ANAPC10: variants seen among roughly 807,000 people sequenced by gnomAD.
ANAPC10 encodes the protein anaphase-promoting complex subunit 10.
A neutral mutation model predicts 22.0 loss-of-function variants in ANAPC10; 12 were observed. The ratio of observed to expected loss-of-function variants is 0.55; its 90% CI spans 0.35 to 0.88. The LOEUF (loss-of-function observed/expected upper bound fraction) is 0.88. Among genes scored for constraint, ANAPC10 ranks in the 40% least tolerant of loss-of-function variants. The pLI is 0.01. For missense variants in ANAPC10, 188 were observed against 220.9 expected, an observed-to-expected ratio of 0.85 and a Z score of 0.94; for synonymous variants, 65 against 69.5, an observed-to-expected ratio of 0.94 and a Z score of 0.32.
chr4:145,093,861 T>C (rs897395201), intron 2 of ANAPC10, among the ~76,000 whole-genome samples: 1 of 152,158 alleles, frequency 6.6e-6, no homozygotes, highest in African/African-American at 2.4e-5. Flanking sequence ...GTCTAGCATA[T>C]GTATAATTGG....
chr4:145,044,787 G>A (rs1217673438), intron 4 of ANAPC10, among the ~76,000 whole-genome samples: 1 of 151,818 alleles, frequency 6.6e-6, no homozygotes, highest in East Asian at 1.9e-4. Context: ...GTTTATCTTA[G>A]TGACACACTA....
chr4:145,007,784 A>C (rs1733632296), intron 4 of ANAPC10, among the ~76,000 whole-genome samples: 1 of 152,138 alleles, frequency 6.6e-6, no homozygotes, highest in African/African-American at 2.4e-5. Context: ...AGCAAGAGCA[A>C]ACAAATTCAG....
chr4:145,054,634 TGTGTGTGCGCGCGCGC>T (rs1741709075), intron 4 of ANAPC10, among the ~76,000 whole-genome samples: 1 of 101,418 alleles, frequency 9.9e-6, no homozygotes, highest in Admixed American at 1.0e-4. Flanking sequence ...TGTGTGTGTG[TGTGTGTGCGCGCGCGC>T]GCGCGTGCGT....
At chr4:145,031,101 T>C (rs756895343) in intron 4 of ANAPC10, among the ~76,000 whole-genome samples, 6 of 152,204 alleles carry the variant, frequency 3.9e-5, no homozygotes, top group African/African-American at 9.7e-5. Flanking sequence ...CAGAAGCAAT[T>C]TGCCTTCAGC....
At chr4:145,073,504 T>C (rs1290838276) in intron 3 of ANAPC10, among the ~76,000 whole-genome samples, 1 of 152,170 alleles carries the variant, frequency 6.6e-6, no homozygotes, top group Non-Finnish European at 1.5e-5. Context: ...TTGTATGATT[T>C]GGCTTAAGCA....
At chr4:145,041,596 C>G (rs1014211687) in intron 4 of ANAPC10, among the ~76,000 whole-genome samples, 5 of 152,164 alleles carry the variant, frequency 3.3e-5, no homozygotes, top group African/African-American at 1.2e-4. Context: ...CTTTCACTTC[C>G]CCTTCTAGAA....
intron 4 of ANAPC10, among the ~76,000 whole-genome samples, chr4:145,045,665 A>T (rs188867734): frequency 3.1e-4 from 47 of 152,202 alleles, no homozygotes; most frequent in Admixed American, 2.8e-3. Context: ...ATATGAATGT[A>T]TACGTGATCT....
chr4:145,022,322 T>C (rs1427206143), intron 4 of ANAPC10, among the ~76,000 whole-genome samples: 2 of 152,160 alleles, frequency 1.3e-5, no homozygotes, highest in African/African-American at 2.4e-5. Flanking sequence ...CATGGTGGGA[T>C]ACTACTCAGC....
chr4:145,055,534 G>C (rs1741927454), intron 4 of ANAPC10, among the ~76,000 whole-genome samples: 1 of 151,776 alleles, frequency 6.6e-6, no homozygotes, highest in Non-Finnish European at 1.5e-5. Flanking sequence ...CTCCAGCCTG[G>C]GTGACAGAGC....
At chr4:145,088,968 C>T (rs1166029789) in intron 2 of ANAPC10, among the ~76,000 whole-genome samples, 1 of 152,134 alleles carries the variant, frequency 6.6e-6, no homozygotes, top group Non-Finnish European at 1.5e-5. Context: ...TAACTTAGAG[C>T]CTTTGAACTA....
chr4:145,090,467 C>T (rs1351268120), intron 2 of ANAPC10, among the ~76,000 whole-genome samples: 1 of 152,180 alleles, frequency 6.6e-6, no homozygotes, highest in East Asian at 1.9e-4. Context: ...GAATAAGCAT[C>T]ATCTCCATGA....
At chr4:145,064,398 A>C (rs1273640933) in intron 4 of ANAPC10, 174 bp downstream of exon 4, 1 of 433,660 alleles carries the variant, frequency 2.3e-6, no homozygotes, top group African/African-American at 2.0e-5. Flanking sequence ...TGGAAAAAAT[A>C]AAGAGAACAA....
At position 145,032,320 on chromosome 4, in the gene ANAPC10, C is replaced by T. The variant is rs549274536; in HGVS notation, c.327+32252G>A. 2.0e-5 allele frequency among the ~76,000 whole-genome samples: 3 copies of T among 152,272 alleles called. No individual in the cohort carries two copies. The South Asian group carries it at 6.2e-4, about 32-fold the overall frequency. ...CACTTTGCATGGAAGGAGAAATGGC[C>T]GGATGTACAATTATACACTGATTCA... On this transcript the variant is annotated intron_variant, in intron 4 of 4. Transcript: ENST00000507656.
At chr4:145,008,509 T>C (rs1206135187) in intron 4 of ANAPC10, among the ~76,000 whole-genome samples, 2 of 152,210 alleles carry the variant, frequency 1.3e-5, no homozygotes, top group African/African-American at 4.8e-5. Flanking sequence ...AGCTTCAATC[T>C]TGGGATGCAA....
chr4:145,018,052 G>A (rs1181922175), intron 4 of ANAPC10, among the ~76,000 whole-genome samples: 1 of 151,186 alleles, frequency 6.6e-6, no homozygotes, highest in Non-Finnish European at 1.5e-5. Flanking sequence ...CACCAACATG[G>A]CACATGTATA....
chr4:145,036,814 G>A (rs1008121245), intron 4 of ANAPC10, among the ~76,000 whole-genome samples: 1 of 151,982 alleles, frequency 6.6e-6, no homozygotes, highest in Non-Finnish European at 1.5e-5. Context: ...AAACTACTTC[G>A]AGTTCAAAAA....
chr4:145,012,191 T>TAG (rs1370557667), intron 4 of ANAPC10, among the ~76,000 whole-genome samples: 1 of 148,112 alleles, frequency 6.8e-6, no homozygotes, highest in African/African-American at 2.5e-5. Context: ...TATATATATA[T>TAG]ATATACACAC....
At chr4:145,004,856 T>A (rs770957962) in intron 4 of ANAPC10, among the ~76,000 whole-genome samples, 3 of 152,170 alleles carry the variant, frequency 2.0e-5, no homozygotes, top group Non-Finnish European at 4.4e-5. Flanking sequence ...AGGATGCTGT[T>A]GGCTTCACAG....
At chr4:145,064,788 A>C in intron 3 of ANAPC10, 96 bp from the exon 4 acceptor site, 10 of 1,092,222 alleles carry the variant, frequency 9.2e-6, no homozygotes, top group Non-Finnish European at 1.3e-5. Flanking sequence ...AGTTTGCTAA[A>C]AGGAGTATTT....
Sources: allele counts gnomAD v4.1 joint callset (sites outside exome capture counted in the v4.1 genomes callset), GRCh38; gene constraint gnomAD v4.1.1; transcripts MANE v1.5; gene names NCBI Gene and HGNC (gene_info 2026-07-23, HGNC 2026-07-21).